EPB41L4A: variants seen among roughly 807,000 people sequenced by gnomAD.
EPB41L4A encodes the protein erythrocyte membrane protein band 4.1 like 4A.
Under a neutral mutation model 108.6 loss-of-function variants are expected in EPB41L4A, and 100 were observed. The observed-to-expected ratio is 0.92, with a 90% CI of 0.78 to 1.09. EPB41L4A has a LOEUF of 1.09. Among genes scored for constraint, EPB41L4A ranks in the 50% least tolerant of loss-of-function variants. The probability of loss-of-function intolerance (pLI) is 0.00; values close to 1 mark genes in which losing one functional copy is unlikely to be tolerated. For synonymous variants in EPB41L4A, 319 were observed against 289.0 expected, an observed-to-expected ratio of 1.10 and a Z score of -1.05; for missense variants, 1,030 against 842.7, an observed-to-expected ratio of 1.22 and a Z score of -2.75.
At chr5:112,177,045 G>A (rs184159155) in intron 18 of EPB41L4A, among the ~76,000 whole-genome samples, 24 of 152,004 alleles carry the variant, frequency 1.6e-4, no homozygotes, top group Non-Finnish European at 3.2e-4. Context: ...ATGAGCCACC[G>A]TCCCCGGCCA....
intron 1 of EPB41L4A, among the ~76,000 whole-genome samples, chr5:112,325,842 T>C (rs1247408611): frequency 6.6e-6 from 1 of 152,144 alleles, no homozygotes; most frequent in Non-Finnish European, 1.5e-5. Flanking sequence ...TGGTATTCTA[T>C]GAATATGTTA....
At chr5:112,282,852 T>A (rs1351911916) in intron 2 of EPB41L4A, among the ~76,000 whole-genome samples, 2 of 152,232 alleles carry the variant, frequency 1.3e-5, no homozygotes, top group Admixed American at 1.3e-4. Context: ...CCTCCTATCA[T>A]CATCATCATC....
At chr5:112,193,906 C>T (rs1761831113) in intron 17 of EPB41L4A, among the ~76,000 whole-genome samples, 1 of 152,206 alleles carries the variant, frequency 6.6e-6, no homozygotes, top group South Asian at 2.1e-4. Flanking sequence ...TAACAACTGG[C>T]ATGACTGGCA....
At chr5:112,217,245 G>C (rs555976731) in intron 12 of EPB41L4A, among the ~76,000 whole-genome samples, 18 of 152,040 alleles carry the variant, frequency 1.2e-4, no homozygotes, top group South Asian at 2.1e-4. Context: ...CATCCAGCTG[G>C]AAAATTTTAT....
chr5:112,358,610 G>A (rs72783609), intron 1 of EPB41L4A, among the ~76,000 whole-genome samples: 19,275 of 152,230 alleles, frequency 0.13, 1,353 homozygotes, highest in Non-Finnish European at 0.15. Flanking sequence ...GTTAGCTGGA[G>A]TAGAAACTGG....
chr5:112,281,671 C>T lies in EPB41L4A; in HGVS notation c.205-1348G>A, dbSNP rs556599849. 3.3e-5 allele frequency among the ~76,000 whole-genome samples: 5 copies of T among 152,362 alleles called. No individual in the cohort carries two copies. The East Asian group carries it at 7.7e-4, about 24-fold the overall frequency. On this transcript the variant is annotated intron_variant, in intron 2 of 22. Transcript: ENST00000261486. ...GTTCCATCCAGCACTCATGCGCTGG[C>T]GCAGTTCCCCACTTTCCTTCCCCTC...
At chr5:112,186,093 C>A (rs1364408673) in intron 17 of EPB41L4A, among the ~76,000 whole-genome samples, 1 of 152,192 alleles carries the variant, frequency 6.6e-6, no homozygotes, top group African/African-American at 2.4e-5. Flanking sequence ...AAACTCAGGT[C>A]TCCTAACTCC....
intron 1 of EPB41L4A, among the ~76,000 whole-genome samples, chr5:112,331,537 A>G (rs762970775): frequency 3.3e-5 from 5 of 152,216 alleles, no homozygotes; most frequent in Non-Finnish European, 5.9e-5. Context: ...TGTATATAGC[A>G]TTGTCTGCCA....
intron 1 of EPB41L4A, among the ~76,000 whole-genome samples, chr5:112,380,048 T>C (rs75268696): frequency 0.034 from 5,138 of 152,308 alleles, 154 homozygotes; most frequent in African/African-American, 0.078. Context: ...AGCAGATTAA[T>C]CATTGTTACC....
intron 18 of EPB41L4A, 121 bp downstream of exon 18, chr5:112,183,895 A>G: frequency 1.6e-6 from 2 of 1,241,766 alleles, no homozygotes; most frequent in Non-Finnish European, 2.2e-6. Flanking sequence ...TAGAAGGTAA[A>G]TATGACAAAT....
At chr5:112,413,852 G>A (rs1180666250) in intron 1 of EPB41L4A, among the ~76,000 whole-genome samples, 2 of 152,220 alleles carry the variant, frequency 1.3e-5, no homozygotes, top group African/African-American at 4.8e-5. Flanking sequence ...TGGACTGGCA[G>A]GGCTAGATCA....
intron 7 of EPB41L4A, 105 bp from the exon 8 acceptor site, chr5:112,260,084 A>T: frequency 1.2e-6 from 1 of 840,686 alleles, no homozygotes; most frequent in Non-Finnish European, 1.9e-6. Flanking sequence ...TATTGGATTT[A>T]ATTTTTGAAA....
At chr5:112,391,819 C>T (rs182548838) in intron 1 of EPB41L4A, among the ~76,000 whole-genome samples, 1,768 of 152,228 alleles carry the variant, frequency 0.012, 26 homozygotes, top group South Asian at 0.038. Context: ...ATGTTAAGGG[C>T]AGTCAGAGAG....
chr5:112,218,223 T>C (rs1014667550), intron 12 of EPB41L4A, among the ~76,000 whole-genome samples: 1 of 151,982 alleles, frequency 6.6e-6, no homozygotes, highest in African/African-American at 2.4e-5. Context: ...TCTGAAGATT[T>C]GTAATCTACA....
intron 1 of EPB41L4A, among the ~76,000 whole-genome samples, chr5:112,352,980 T>G (rs1336384554): frequency 6.6e-6 from 1 of 152,158 alleles, no homozygotes; most frequent in Non-Finnish European, 1.5e-5. Flanking sequence ...TAGGGAAGGC[T>G]TTTTTCCTAC....
At chr5:112,142,048 T>G (rs1425319528), downstream of EPB41L4A, among the ~76,000 whole-genome samples, 4 of 152,208 alleles carry the variant, frequency 2.6e-5, no homozygotes, top group Non-Finnish European at 4.4e-5. Context: ...GGCATTTGCT[T>G]AAGGAGCAAT....
intron 1 of EPB41L4A, among the ~76,000 whole-genome samples, chr5:112,347,773 G>A (rs1185453216): frequency 2.6e-5 from 4 of 152,190 alleles, no homozygotes. Context: ...AGCAGCCACA[G>A]TAAAGGGGCA....
intron 1 of EPB41L4A, among the ~76,000 whole-genome samples, chr5:112,320,616 C>G (rs1755712059): frequency 6.6e-6 from 1 of 152,134 alleles, no homozygotes; most frequent in Non-Finnish European, 1.5e-5. Flanking sequence ...GATAAAAGCT[C>G]TGGAGATAGA....
rs373987233 is a variant in EPB41L4A at position 112,320,308 on chromosome 5, C to G, written c.100-12818G>C. ...CTGTGACCCACTCTATAGCAGTCAT[C>G]TGCATTCCATCATACAACATAATCC... On this transcript the variant is annotated intron_variant, in intron 1 of 22. Transcript: ENST00000261486. Among the ~76,000 whole-genome samples the G allele has an allele frequency of 5.3e-5, 8 of 152,284 alleles. No homozygotes were observed. The South Asian group carries it at 1.0e-3, about 20-fold the overall frequency.
Sources: gnomAD v4.1 joint callset for allele counts (sites outside exome capture counted in the v4.1 genomes callset) on GRCh38, gnomAD v4.1.1 for gene constraint, MANE v1.5 for transcripts, NCBI Gene and HGNC (gene_info 2026-07-23, HGNC 2026-07-21) for gene names.